Variants in EFCAB5 observed in about 807,000 individuals in gnomAD.
EFCAB5 encodes EF-hand calcium binding domain 5.
In EFCAB5, 131 loss-of-function variants were observed where a neutral mutation model predicts 167.9. That is an observed-to-expected ratio of 0.78 (90% CI 0.68 to 0.90). The LOEUF (loss-of-function observed/expected upper bound fraction) is 0.90. Ranked by LOEUF, EFCAB5 falls within the 40% of genes least tolerant of loss-of-function variation. The pLI is 0.00. For missense variants in EFCAB5, 1,663 were observed against 1,745.2 expected (o/e 0.95, Z 0.84); for synonymous variants, 574 against 602.8 (o/e 0.95, Z 0.70).
In EFCAB5 at chr17:29,946,692, C is replaced by T. The variant is rs572194587; in HGVS notation, c.190+3043C>T. Among the ~76,000 whole-genome samples, 146 of 152,088 alleles carry T rather than the reference C, an allele frequency of 9.6e-4. 2 individuals carry two copies. In the Middle Eastern group the frequency reaches 0.01, roughly 11 times the overall value. On this transcript the variant is annotated intron_variant, in intron 3 of 22. Coordinates refer to ENST00000394835, the MANE Select transcript of EFCAB5 (RefSeq NM_198529.4). The stretch of plus-strand genomic sequence containing the variant: ...TGACCTCGTGATCCACCCGCCTTGG[C>T]CTCCCATAGTGCTGGGATTACAGGC...
intron 5 of EFCAB5, among the ~76,000 whole-genome samples, chr17:29,995,923 G>A (rs7212741): frequency 0.39 from 58,930 of 151,660 alleles, 13,335 homozygotes; most frequent in East Asian, 0.68. Flanking sequence ...TTCCCGCCAA[G>A]CTTCACCATA....
chr17:30,050,575 G>A (rs1370521734), intron 8 of EFCAB5, among the ~76,000 whole-genome samples: 1 of 152,148 alleles, frequency 6.6e-6, no homozygotes, highest in Non-Finnish European at 1.5e-5. Context: ...GACTACAGGT[G>A]TACACCACCA....
intron 4 of EFCAB5, among the ~76,000 whole-genome samples, chr17:29,988,197 G>C (rs1473679749): frequency 6.6e-6 from 1 of 152,190 alleles, no homozygotes; most frequent in African/African-American, 2.4e-5. Flanking sequence ...TCAGTTAAAG[G>C]TCCTGGAAGA....
At chr17:29,976,865 GA>G (rs1197929628) in intron 4 of EFCAB5, among the ~76,000 whole-genome samples, 2 of 152,128 alleles carry the variant, frequency 1.3e-5, no homozygotes, top group Non-Finnish European at 2.9e-5. Flanking sequence ...AACAGATAGA[GA>G]AGACACTGCT....
At chr17:30,003,084 CT>C (rs74665799) in intron 7 of EFCAB5, among the ~76,000 whole-genome samples, 31 of 116,272 alleles carry the variant, frequency 2.7e-4, no homozygotes, top group Admixed American at 3.9e-4. Flanking sequence ...CTTTTTTCCT[CT>C]TTTTTTTTTG....
At chr17:29,996,227 A>G (rs1399036573) in intron 5 of EFCAB5, 85 bp from the exon 6 acceptor site, 1 of 1,118,960 alleles carries the variant, frequency 8.9e-7, no homozygotes, top group Admixed American at 2.3e-5. Context: ...AAGACTATAG[A>G]TGGCTTTTAG....
At chr17:30,033,745 A>G (rs1037888003) in intron 7 of EFCAB5, among the ~76,000 whole-genome samples, 4 of 152,220 alleles carry the variant, frequency 2.6e-5, no homozygotes, top group Non-Finnish European at 5.9e-5. Flanking sequence ...AAGATCATAG[A>G]CAAAGGATAT....
chr17:30,070,223 G>A (rs1185010080), intron 14 of EFCAB5, among the ~76,000 whole-genome samples: 1 of 150,664 alleles, frequency 6.6e-6, no homozygotes, highest in Admixed American at 6.6e-5. Context: ...TACAATTACA[G>A]CCCCTTAAAA....
chr17:30,027,611 C>T (rs369497077), intron 7 of EFCAB5, among the ~76,000 whole-genome samples: 5 of 152,100 alleles, frequency 3.3e-5, no homozygotes, highest in East Asian at 3.9e-4. Flanking sequence ...ATTATACCAT[C>T]GGCATGCATC....
At chr17:30,076,785 A>G (rs1002672044) in intron 14 of EFCAB5, among the ~76,000 whole-genome samples, 5 of 152,230 alleles carry the variant, frequency 3.3e-5, no homozygotes, top group Non-Finnish European at 2.9e-5. Context: ...TGAGTAAAAT[A>G]TTGAGAATAA....
At chr17:29,971,612 C>T (rs901389864) in intron 4 of EFCAB5, among the ~76,000 whole-genome samples, 1 of 152,140 alleles carries the variant, frequency 6.6e-6, no homozygotes, top group Non-Finnish European at 1.5e-5. Flanking sequence ...GCTTTTTCAA[C>T]ACCTATGAAA....
chr17:30,079,493 T>C (rs2070939363), intron 15 of EFCAB5, among the ~76,000 whole-genome samples: 1 of 152,198 alleles, frequency 6.6e-6, no homozygotes, highest in African/African-American at 2.4e-5. Context: ...GTTAATAACA[T>C]AATAATAATA....
At chr17:30,022,418 C>T (rs1231888868) in intron 7 of EFCAB5, among the ~76,000 whole-genome samples, 2 of 152,106 alleles carry the variant, frequency 1.3e-5, no homozygotes, top group Admixed American at 1.3e-4. Flanking sequence ...CAGGCACGCA[C>T]ACAAGCACGT....
chr17:29,937,203 AT>A (rs940056892), upstream of EFCAB5, among the ~76,000 whole-genome samples: 13 of 148,686 alleles, frequency 8.7e-5, no homozygotes, highest in South Asian at 2.1e-4. Context: ...TTATTTATTT[AT>A]TTTTTTTTTG....
intron 7 of EFCAB5, among the ~76,000 whole-genome samples, chr17:30,006,785 GATGCCACTTTGCCTGGCAC>G (rs1050258276): frequency 5.1e-4 from 78 of 152,276 alleles, no homozygotes; most frequent in African/African-American, 1.8e-3. Context: ...AAGTAGGGGG[GATGCCACTTTGCCTGGCAC>G]ATGCCACTTT....
chr17:29,943,738 C>A, intron 3 of EFCAB5, 89 bp downstream of exon 3: 1 of 1,167,392 alleles, frequency 8.6e-7, no homozygotes, highest in Non-Finnish European at 1.2e-6. Context: ...CTTTGGGAGG[C>A]CGAGGCGGGT....
chr17:30,057,008 G>C (rs2070288384), intron 12 of EFCAB5, among the ~76,000 whole-genome samples: 1 of 152,096 alleles, frequency 6.6e-6, no homozygotes, highest in Admixed American at 6.5e-5. Context: ...AAATCAAACG[G>C]AAGTCACTTT....
At chr17:29,994,130 A>ACATATATATATATATATATATAT (rs1224770345) in intron 5 of EFCAB5, among the ~76,000 whole-genome samples, 1 of 83,118 alleles carries the variant, frequency 1.2e-5, no homozygotes, top group Non-Finnish European at 2.3e-5. Flanking sequence ...AACAACAACA[A>ACATATATATATATATATATATAT]CAAATATATA....
intron 14 of EFCAB5, chr17:30,068,742 G>A: frequency 1.4e-6 from 2 of 1,449,242 alleles, no homozygotes; most frequent in Admixed American, 1.7e-5. Flanking sequence ...GGGATGAGCT[G>A]TTCCGCAGGA....
Sources: gnomAD v4.1 joint callset for allele counts (sites outside exome capture counted in the v4.1 genomes callset) on GRCh38, gnomAD v4.1.1 for gene constraint, MANE v1.5 for transcripts, NCBI Gene and HGNC (gene_info 2026-07-23, HGNC 2026-07-21) for gene names.